The following SPIRE1 variants were observed in gnomAD, a reference collection of about 807,000 sequenced individuals.
SPIRE1 encodes the protein protein spire homolog 1.
In SPIRE1, 40 loss-of-function variants were observed where a neutral mutation model predicts 94.1. That is an observed-to-expected ratio of 0.43 (90% CI 0.33 to 0.55). SPIRE1 has a LOEUF of 0.55. Ranked by LOEUF, SPIRE1 falls within the 20% of genes least tolerant of loss-of-function variation. The pLI, the probability that SPIRE1 is intolerant of heterozygous loss-of-function variation, is 0.06. For missense variants in SPIRE1, 838 were observed against 975.2 expected, an observed-to-expected ratio of 0.86 and a Z score of 1.87; for synonymous variants, 376 against 371.7, an observed-to-expected ratio of 1.01 and a Z score of -0.13.
intron 10 of SPIRE1, among the ~76,000 whole-genome samples, chr18:12,471,854 G>A (rs532712963): frequency 6.6e-6 from 1 of 151,770 alleles, no homozygotes; most frequent in Admixed American, 6.6e-5. Context: ...ACACAATCTC[G>A]GCTCACTGCA....
intron 4 of SPIRE1, among the ~76,000 whole-genome samples, chr18:12,525,276 C>CAA (rs1170791088): frequency 0.25 from 17,675 of 70,880 alleles, 2,205 homozygotes; most frequent in Non-Finnish European, 0.31. Context: ...GACTCCGTCT[C>CAA]AAAAAAAAAA....
At chr18:12,492,989 C>G in intron 8 of SPIRE1, 83 bp downstream of exon 8, 2 of 1,460,176 alleles carry the variant, frequency 1.4e-6, no homozygotes, top group Non-Finnish European at 1.8e-6. Context: ...AATGAGAACT[C>G]TTTACTTTCA....
intron 7 of SPIRE1, among the ~76,000 whole-genome samples, chr18:12,494,943 G>T (rs948875405): frequency 6.7e-6 from 1 of 150,046 alleles, no homozygotes; most frequent in Non-Finnish European, 1.5e-5. Context: ...CCAGCTACTC[G>T]GGAGGCTGAG....
chr18:12,451,030 G>A, intron 16 of SPIRE1: 1 of 499,926 alleles, frequency 2.0e-6, no homozygotes, highest in Non-Finnish European at 3.6e-6. Context: ...AAGGAGGGGA[G>A]GAGGAGGAGG....
intron 8 of SPIRE1, among the ~76,000 whole-genome samples, chr18:12,492,649 G>A (rs2033278725): frequency 6.6e-6 from 1 of 151,988 alleles, no homozygotes; most frequent in Non-Finnish European, 1.5e-5. Flanking sequence ...AATTTATAAA[G>A]TATTTTTTTA....
At chr18:12,527,334 G>A (rs572747597) in intron 4 of SPIRE1, among the ~76,000 whole-genome samples, 29 of 151,886 alleles carry the variant, frequency 1.9e-4, no homozygotes, top group Admixed American at 1.4e-3. Flanking sequence ...CCGTGCTTCA[G>A]TTTTTCTATC....
At chr18:12,645,364 T>C (rs960318209) in intron 1 of SPIRE1, among the ~76,000 whole-genome samples, 11 of 152,238 alleles carry the variant, frequency 7.2e-5, no homozygotes, top group African/African-American at 2.4e-4. Context: ...TTCCAACAAG[T>C]ATAAACCATC....
chr18:12,552,925 A>C (rs2035396546), intron 2 of SPIRE1, among the ~76,000 whole-genome samples: 1 of 151,766 alleles, frequency 6.6e-6, no homozygotes, highest in Non-Finnish European at 1.5e-5. Flanking sequence ...CAGTCATGAG[A>C]CCCCCATTCC....
intron 10 of SPIRE1, among the ~76,000 whole-genome samples, chr18:12,466,690 T>A (rs1276980540): frequency 1.3e-5 from 2 of 152,202 alleles, no homozygotes; most frequent in Admixed American, 1.3e-4. Context: ...ACTTAAATTT[T>A]TTTAATTTAA....
At chr18:12,458,113 G>A (rs113922364) in intron 12 of SPIRE1, among the ~76,000 whole-genome samples, 2 of 151,066 alleles carry the variant, frequency 1.3e-5, no homozygotes, top group African/African-American at 4.8e-5. Flanking sequence ...CAAAGTGCTG[G>A]GATTACAGGC....
chr18:12,653,781 T>C (rs1421952951), intron 1 of SPIRE1, among the ~76,000 whole-genome samples: 1 of 151,772 alleles, frequency 6.6e-6, no homozygotes, highest in Non-Finnish European at 1.5e-5. Flanking sequence ...ACCCCGTCTC[T>C]ACTAAAAATA....
At chr18:12,656,002 A>T (rs1452206604) in intron 1 of SPIRE1, among the ~76,000 whole-genome samples, 1 of 152,094 alleles carries the variant, frequency 6.6e-6, no homozygotes, top group African/African-American at 2.4e-5. Flanking sequence ...AGGTTCAAGC[A>T]ATTCTCCCAC....
At chr18:12,592,012 G>A (rs556680793) in intron 2 of SPIRE1, among the ~76,000 whole-genome samples, 27 of 150,988 alleles carry the variant, frequency 1.8e-4, no homozygotes, top group Admixed American at 9.2e-4. Flanking sequence ...AGGTTTGGGG[G>A]GAAAAAATCA....
intron 3 of SPIRE1, among the ~76,000 whole-genome samples, chr18:12,539,462 T>G (rs1485864692): frequency 6.6e-6 from 1 of 152,084 alleles, no homozygotes; most frequent in Non-Finnish European, 1.5e-5. Context: ...CTTCCCAGTT[T>G]TAGGTTATGT....
rs954510885 is a variant in SPIRE1, at chr18:12,623,963, G to A, written c.372+11099C>T. 7.0e-4 allele frequency among the ~76,000 whole-genome samples: 99 copies of A among 142,278 alleles called. 2 individuals are homozygous for A. Among genetic ancestry groups the A allele is most frequent in the African/African-American group, 2.5e-3 (97 of 38,064 alleles). 93.3% of individuals were successfully genotyped at this position (142,278 alleles called of 152,430 possible). On this transcript the variant is annotated intron_variant, in intron 2 of 16. Coordinates refer to ENST00000409402, the MANE Select transcript of SPIRE1 (RefSeq NM_001128626.2). ...TCTTGAGATGGAGTCTCACTCTGTC[G>A]CCCAGGTTGGTGCGCCCTGGAGTGG... is the stretch of plus-strand genomic sequence containing the variant.
Position 12,449,716 on chromosome 18 carries a change from C to T in SPIRE1, c.2193G>A (p.Arg731=), listed in dbSNP as rs1157060294. 3 of 1,614,158 alleles carry T rather than the reference C, an allele frequency of 1.9e-6. No individual in the cohort carries two copies. The highest frequency in any genetic ancestry group is 2.5e-6 in the Non-Finnish European group (3 of 1,180,034). The change falls in exon 17 of 17, where the codon AGG becomes AGA. Residue 731 remains arginine, a synonymous_variant. Coordinates refer to ENST00000409402, the MANE Select transcript of SPIRE1 (RefSeq NM_001128626.2). ...AGGACATGTAGAAAGACTGCGTTTT[C>T]CTTTTCAATCGGGCCCTTTTGTTGG... ...VLANKRARLK[R]KTQSFYMSSP...
At chr18:12,520,389 G>C (rs751335020) in intron 4 of SPIRE1, among the ~76,000 whole-genome samples, 1 of 152,124 alleles carries the variant, frequency 6.6e-6, no homozygotes, top group Non-Finnish European at 1.5e-5. Context: ...AGTTTTAAAA[G>C]CTGCAGGATC....
chr18:12,481,101 A>C (rs1216249252), intron 9 of SPIRE1, among the ~76,000 whole-genome samples: 2 of 152,090 alleles, frequency 1.3e-5, no homozygotes, highest in African/African-American at 4.8e-5. Flanking sequence ...AGGCCGAGCC[A>C]GGAGGATCAA....
chr18:12,573,749 T>C (rs2144487530), intron 2 of SPIRE1, among the ~76,000 whole-genome samples: 1 of 152,072 alleles, frequency 6.6e-6, no homozygotes, highest in African/African-American at 2.4e-5. Flanking sequence ...TTTCTTTTTT[T>C]TTTCCTTTGA....
Sources: gnomAD v4.1 joint callset for allele counts (sites outside exome capture counted in the v4.1 genomes callset) on GRCh38, gnomAD v4.1.1 for gene constraint, MANE v1.5 for transcripts, NCBI Gene and HGNC (gene_info 2026-07-23, HGNC 2026-07-21) for gene names.